Variants in UNC13C observed in about 807,000 individuals in gnomAD.
UNC13C encodes the protein unc-13 homolog C, also known as protein unc-13 homolog C.
In UNC13C, 174 loss-of-function variants were observed where a neutral mutation model predicts 245.4. The observed-to-expected ratio is 0.71, with a 90% confidence interval of 0.63 to 0.80. The LOEUF is 0.80. Among genes scored for constraint, UNC13C ranks in the 30% least tolerant of loss-of-function variants. The pLI, the probability that UNC13C is intolerant of heterozygous loss-of-function variation, is 0.00. For missense variants in UNC13C, 2,829 were observed against 2,602.9 expected (o/e 1.09, Z -1.89); for synonymous variants, 992 against 895.1 (o/e 1.11, Z -1.93).
At chr15:54,143,182 C>A (rs1267959310) in intron 3 of UNC13C, 142 bp downstream of exon 3, 1 of 840,476 alleles carries the variant, frequency 1.2e-6, no homozygotes, top group Non-Finnish European at 1.9e-6. Flanking sequence ...TTTGGTTGTC[C>A]TTTAAGTGTG....
chr15:53,888,524 C>A, the UNC13C span, among the ~76,000 whole-genome samples: 12 of 152,088 alleles, frequency 7.9e-5, no homozygotes, highest in Non-Finnish European at 1.5e-4. Flanking sequence ...ATGATAGTTT[C>A]TTTTGCTGTG....
At chr15:54,589,243 C>T (rs527990684) in intron 30 of UNC13C, among the ~76,000 whole-genome samples, 7 of 140,696 alleles carry the variant, frequency 5.0e-5, no homozygotes, top group Non-Finnish European at 1.1e-4. Flanking sequence ...TAATGTTGAG[C>T]ATTTTGTCAT....
At chr15:54,390,723 T>C (rs561389230) in intron 17 of UNC13C, among the ~76,000 whole-genome samples, 4 of 152,192 alleles carry the variant, frequency 2.6e-5, no homozygotes, top group African/African-American at 9.6e-5. Context: ...ATAACCTTAA[T>C]TTTTCCAATC....
the UNC13C span, among the ~76,000 whole-genome samples, chr15:53,896,887 A>G: frequency 6.6e-6 from 1 of 152,136 alleles, no homozygotes; most frequent in African/African-American, 2.4e-5. Context: ...GACCTCATGA[A>G]ACTACTCCAC....
At chr15:54,195,059 T>TGTGTGGAA (rs1235979053) in intron 4 of UNC13C, among the ~76,000 whole-genome samples, 1 of 152,154 alleles carries the variant, frequency 6.6e-6, no homozygotes, top group Non-Finnish European at 1.5e-5. Context: ...TCGGAAGTTT[T>TGTGTGGAA]GTGTGGAAGT....
intron 17 of UNC13C, among the ~76,000 whole-genome samples, chr15:54,355,460 T>TA (rs2039073398): frequency 1.3e-5 from 2 of 152,066 alleles, no homozygotes; most frequent in South Asian, 4.2e-4. Flanking sequence ...GGGTGCAAGC[T>TA]ATTCTCCTGC....
chr15:54,603,994 T>G (rs1035691748), intron 30 of UNC13C, among the ~76,000 whole-genome samples: 3 of 152,212 alleles, frequency 2.0e-5, no homozygotes, highest in African/African-American at 7.2e-5. Context: ...TCTTTCCCAC[T>G]TATTCAGAGC....
intron 7 of UNC13C, among the ~76,000 whole-genome samples, chr15:54,241,078 C>G (rs1350068621): frequency 6.6e-6 from 1 of 152,110 alleles, no homozygotes; most frequent in Non-Finnish European, 1.5e-5. Context: ...CACATGGAAG[C>G]TTCTAGTAGG....
At chr15:54,303,426 A>C (rs548861801) in intron 13 of UNC13C, among the ~76,000 whole-genome samples, 1 of 152,270 alleles carries the variant, frequency 6.6e-6, no homozygotes, top group East Asian at 1.9e-4. Flanking sequence ...TTTATTCTAA[A>C]ATATCTCTGG....
chr15:54,283,833 G>A (rs1445123111), intron 10 of UNC13C, among the ~76,000 whole-genome samples: 1 of 152,100 alleles, frequency 6.6e-6, no homozygotes, highest in African/African-American at 2.4e-5. Flanking sequence ...CTTTCCCGAA[G>A]TCGTATTGCT....
intron 30 of UNC13C, among the ~76,000 whole-genome samples, chr15:54,588,736 G>A (rs546804003): frequency 6.6e-6 from 1 of 152,274 alleles, no homozygotes; most frequent in East Asian, 1.9e-4. Flanking sequence ...AACATGCAAT[G>A]TTTGATTTTC....
chr15:54,260,541 C>T (rs2036396094), intron 8 of UNC13C, among the ~76,000 whole-genome samples: 1 of 149,194 alleles, frequency 6.7e-6, no homozygotes, highest in African/African-American at 2.4e-5. Flanking sequence ...GATATGTATA[C>T]ATATATTCTA....
At position 54,013,408 on chromosome 15, in the gene UNC13C, G is replaced by A. The variant is rs183149776; in HGVS notation, c.505G>A (p.Gly169Arg). The A allele has an allele frequency of 7.2e-5, 117 of 1,613,826 alleles. 1 individual carries two copies. In the East Asian group the frequency reaches 1.4e-3, roughly 20 times the overall value. Reference protein sequence around the residue: ...SLAPSEGSSDGERTLHGLKLG... With the variant: ...SLAPSEGSSDRERTLHGLKLG... Reference sequence around the variant, plus strand: ...TGCACCCTCTGAGGGCAGCTCTGACGGGGAGCGTACTCTACATGGCTTAAA... The same window carrying A: ...TGCACCCTCTGAGGGCAGCTCTGACAGGGAGCGTACTCTACATGGCTTAAA... The change falls in exon 2 of 33, where the codon GGG becomes AGG. Residue 169 changes from glycine to arginine, a missense_variant. Gly to Arg is a moderately radical substitution (Grantham distance 125). Coordinates refer to ENST00000260323, the MANE Select transcript of UNC13C (RefSeq NM_001080534.3).
At chr15:53,901,283 G>C in the UNC13C span, among the ~76,000 whole-genome samples, 2 of 144,524 alleles carry the variant, frequency 1.4e-5, no homozygotes, top group Admixed American at 1.4e-4. Context: ...GCAGTGGCAC[G>C]ATCTCAGCTC....
upstream of UNC13C, among the ~76,000 whole-genome samples, chr15:53,975,287 G>A (rs917479049): frequency 4.6e-5 from 7 of 152,086 alleles, no homozygotes; most frequent in South Asian, 2.1e-4. Context: ...CCAAATAGTC[G>A]TTCTCCTATA....
chr15:54,278,144 G>C (rs1419856022), intron 10 of UNC13C, among the ~76,000 whole-genome samples: 1 of 152,034 alleles, frequency 6.6e-6, no homozygotes, highest in African/African-American at 2.4e-5. Context: ...TGACTATTTT[G>C]CCTAGTTTTT....
intron 1 of UNC13C, among the ~76,000 whole-genome samples, chr15:53,981,982 T>C (rs1392917554): frequency 6.6e-6 from 1 of 152,214 alleles, no homozygotes; most frequent in Non-Finnish European, 1.5e-5. Context: ...GAGAGTTTTA[T>C]ATTATTCTTC....
intron 14 of UNC13C, among the ~76,000 whole-genome samples, chr15:54,330,069 T>G (rs990142041): frequency 6.6e-6 from 1 of 151,938 alleles, no homozygotes; most frequent in African/African-American, 2.4e-5. Flanking sequence ...ATTCGTTCTT[T>G]CCATTTTCAT....
intron 16 of UNC13C, among the ~76,000 whole-genome samples, 152 bp from the exon 17 acceptor site, chr15:54,338,209 G>A (rs1488764569): frequency 6.6e-6 from 1 of 152,136 alleles, no homozygotes; most frequent in East Asian, 1.9e-4. Flanking sequence ...AAGTTAAAAT[G>A]TTTACACATT....
Sources: gnomAD v4.1 joint callset for allele counts (sites outside exome capture counted in the v4.1 genomes callset) on GRCh38, gnomAD v4.1.1 for gene constraint, MANE v1.5 for transcripts, NCBI Gene and HGNC (gene_info 2026-07-23, HGNC 2026-07-21) for gene names.